ROBO2: variants seen among roughly 807,000 people sequenced by gnomAD.
The protein encoded by ROBO2 is roundabout guidance receptor 2.
Under a neutral mutation model 160.8 loss-of-function variants are expected in ROBO2, and 53 were observed. That is an observed-to-expected ratio of 0.33 (90% CI 0.26 to 0.41). ROBO2 has a LOEUF of 0.41. ROBO2 is among the 10% of genes least tolerant of loss of function. The pLI is 1.00. For synonymous variants in ROBO2, 664 were observed against 611.7 expected (o/e 1.09, Z -1.26); for missense variants, 1,577 against 1,722.4 (o/e 0.92, Z 1.49).
chr3:76,261,668 A>T (rs1042398637), intron 2 of ROBO2, among the ~76,000 whole-genome samples: 11 of 152,114 alleles, frequency 7.2e-5, no homozygotes, highest in African/African-American at 2.7e-4. Flanking sequence ...TTTTAATTGT[A>T]CTATTTGGTG....
intron 2 of ROBO2, among the ~76,000 whole-genome samples, chr3:76,132,412 C>A: frequency 7.0e-6 from 1 of 143,666 alleles, no homozygotes; most frequent in African/African-American, 2.6e-5. Flanking sequence ...GGGGGGGACG[C>A]AGATGTTCAG....
chr3:76,491,187 T>G (rs1368787001), intron 2 of ROBO2, among the ~76,000 whole-genome samples: 1 of 152,042 alleles, frequency 6.6e-6, no homozygotes, highest in Non-Finnish European at 1.5e-5. Flanking sequence ...TTTGAACTCC[T>G]GACCTTGTGA....
At chr3:77,647,249 TTTGA>T (rs2095418877) in exon 26 of ROBO2, 1 of 152,142 alleles carries the variant, frequency 6.6e-6, no homozygotes, top group Non-Finnish European at 1.5e-5. Context: ...TTGTTTTTTA[TTTGA>T]TTAAGAAGTG....
intron 2 of ROBO2, among the ~76,000 whole-genome samples, chr3:76,255,606 A>T (rs900520591): frequency 6.6e-6 from 1 of 151,894 alleles, no homozygotes; most frequent in Non-Finnish European, 1.5e-5. Context: ...CAAAAAAAAA[A>T]TTTGAGTATT....
chr3:77,170,268 C>A (rs1341665120), intron 2 of ROBO2, among the ~76,000 whole-genome samples: 1 of 151,882 alleles, frequency 6.6e-6, no homozygotes, highest in Non-Finnish European at 1.5e-5. Context: ...CTTGATAGTT[C>A]CAGATAGTTA....
intron 2 of ROBO2, among the ~76,000 whole-genome samples, chr3:76,041,113 A>T (rs959222126): frequency 2.0e-5 from 3 of 152,104 alleles, no homozygotes; most frequent in East Asian, 1.9e-4. Flanking sequence ...TCAAATTTTT[A>T]AAATATTTCT....
intron 2 of ROBO2, among the ~76,000 whole-genome samples, chr3:77,349,198 T>A (rs964628404): frequency 8.5e-5 from 13 of 152,128 alleles, no homozygotes; most frequent in African/African-American, 3.1e-4. Context: ...GAAAGTACAT[T>A]GATAGATGGT....
chr3:76,655,287 A>G (rs1346758024), intron 2 of ROBO2, among the ~76,000 whole-genome samples: 2 of 150,530 alleles, frequency 1.3e-5, no homozygotes, highest in African/African-American at 4.9e-5. Flanking sequence ...TGCATGAATT[A>G]TGGCTAAACA....
intron 2 of ROBO2, among the ~76,000 whole-genome samples, chr3:76,287,657 A>G (rs1272826148): frequency 6.6e-6 from 1 of 152,176 alleles, no homozygotes; most frequent in African/African-American, 2.4e-5. Flanking sequence ...GCAGTACTGC[A>G]TAATGGTTAA....
At chr3:77,313,796 C>CT (rs2063741521) in intron 2 of ROBO2, among the ~76,000 whole-genome samples, 1 of 152,180 alleles carries the variant, frequency 6.6e-6, no homozygotes, top group South Asian at 2.1e-4. Context: ...ATTGATCACG[C>CT]TGGTCTCGAA....
rs2091279583 is a variant in ROBO2 at position 77,527,512 on chromosome 3, C to T, written c.934+4610C>T. ...GACAGAATGAAATATATTTATTTTA[C>T]CCATGTTAAAATAATACTTGAGACT... On this transcript the variant is annotated intron_variant, in intron 6 of 25. Coordinates refer to ENST00000461745, the Ensembl canonical transcript of ROBO2. 3 of 932,084 alleles carry T rather than the reference C, an allele frequency of 3.2e-6. No individual in the cohort carries two copies. The African/African-American group carries it at 5.2e-5, about 16-fold the overall frequency. 57.7% of individuals were successfully genotyped at this position (932,084 alleles called of 1,614,324 possible). A position where few individuals can be genotyped will look rare whatever the true frequency, so the allele number is the denominator to read the frequency against.
At chr3:77,428,596 T>C (rs918568166) in intron 2 of ROBO2, among the ~76,000 whole-genome samples, 5 of 151,780 alleles carry the variant, frequency 3.3e-5, no homozygotes, top group Non-Finnish European at 7.4e-5. Flanking sequence ...GACCTCATGA[T>C]CCACCCGCCT....
At chr3:76,259,382 C>G (rs1375674378) in intron 2 of ROBO2, among the ~76,000 whole-genome samples, 1 of 152,092 alleles carries the variant, frequency 6.6e-6, no homozygotes, top group Non-Finnish European at 1.5e-5. Context: ...TGGGCAGATA[C>G]AAGACTAAAG....
At chr3:77,583,649 A>G (rs150035225) in intron 16 of ROBO2, among the ~76,000 whole-genome samples, 7 of 152,090 alleles carry the variant, frequency 4.6e-5, no homozygotes, top group African/African-American at 1.7e-4. Flanking sequence ...ATCTTGTCTC[A>G]TAGTCTACTT....
exon 1 of ROBO2, chr3:77,040,063 C>CCTCCCTCCCTCG (rs2063936952): frequency 5.0e-6 from 2 of 397,976 alleles, no homozygotes; most frequent in Admixed American, 6.4e-5. Context: ...TCCCTCCCTC[C>CCTCCCTCCCTCG]CTCCCTCCCT....
intron 6 of ROBO2, among the ~76,000 whole-genome samples, chr3:77,538,170 CTTTTTTTTTTTT>C (rs59409802): frequency 2.0e-5 from 2 of 102,516 alleles, no homozygotes; most frequent in South Asian, 3.1e-4. Flanking sequence ...TGATCATTTA[CTTTTTTTTTTTT>C]TTTTTTTTTT....
chr3:77,641,835 G>C (rs1025964537), intron 24 of ROBO2, among the ~76,000 whole-genome samples: 5 of 152,018 alleles, frequency 3.3e-5, no homozygotes, highest in African/African-American at 1.2e-4. Context: ...ATGATCTGAA[G>C]AGTTAATAAA....
chr3:77,110,172 G>A (rs2150170589), intron 2 of ROBO2, among the ~76,000 whole-genome samples: 1 of 152,218 alleles, frequency 6.6e-6, no homozygotes, highest in African/African-American at 2.4e-5. Context: ...TGACATGTTT[G>A]CAGGCCAAAG....
chr3:77,325,581 T>C (rs939175019), intron 2 of ROBO2, among the ~76,000 whole-genome samples: 2 of 152,202 alleles, frequency 1.3e-5, no homozygotes, highest in Non-Finnish European at 2.9e-5. Context: ...ATAAAATTAT[T>C]TGATAGCTCT....
Sources: gnomAD v4.1 joint callset for allele counts (sites outside exome capture counted in the v4.1 genomes callset) on GRCh38, gnomAD v4.1.1 for gene constraint, MANE v1.5 for transcripts, NCBI Gene and HGNC (gene_info 2026-07-23, HGNC 2026-07-21) for gene names.